Variants in EXT1 observed in about 807,000 individuals in gnomAD.
EXT1 encodes exostosin-1.
Under a neutral mutation model 82.5 loss-of-function variants are expected in EXT1, and 20 were observed. The ratio of observed to expected loss-of-function variants is 0.24; its 90% CI spans 0.17 to 0.35. The LOEUF is 0.35. EXT1 is among the 10% of genes least tolerant of loss of function. EXT1 has a pLI of 1.00. For missense variants in EXT1, 757 were observed against 936.5 expected, an observed-to-expected ratio of 0.81 and a Z score of 2.50; for synonymous variants, 348 against 350.8, an observed-to-expected ratio of 0.99 and a Z score of 0.09.
intron 1 of EXT1, among the ~76,000 whole-genome samples, chr8:118,107,318 T>C (rs1387062061): frequency 6.6e-6 from 1 of 152,124 alleles, no homozygotes; most frequent in East Asian, 1.9e-4. Context: ...GCTAATAAGC[T>C]AGATGGAAAC....
At chr8:117,908,629 CAAAACAAAAACA>C (rs1813585574) in intron 1 of EXT1, among the ~76,000 whole-genome samples, 1 of 151,556 alleles carries the variant, frequency 6.6e-6, no homozygotes, top group Admixed American at 6.6e-5. Flanking sequence ...GACACCATCT[CAAAACAAAAACA>C]AAAACAAAAA....
chr8:117,872,824 GA>G (rs1171262675), intron 1 of EXT1, among the ~76,000 whole-genome samples: 3,645 of 87,380 alleles, frequency 0.042, 79 homozygotes, highest in African/African-American at 0.1. Context: ...CTGAAGCAGA[GA>G]AAAAAAAAAA....
At chr8:118,056,575 G>A (rs1035098077) in intron 1 of EXT1, among the ~76,000 whole-genome samples, 9 of 152,074 alleles carry the variant, frequency 5.9e-5, no homozygotes, top group East Asian at 1.9e-4. Flanking sequence ...AAAAGGGACC[G>A]TTTGAAAGAG....
Position 117,804,827 on chromosome 8 carries a change from G to C in EXT1, c.1950C>G (p.Ala650=). Residue 650 remains alanine, a synonymous_variant, in exon 10 of 11, where the codon GCC becomes GCG. Coordinates refer to ENST00000378204, the MANE Select transcript of EXT1 (RefSeq NM_000127.3). ...AGTTCATGAGAATGTCCTCACAATTGGCCAATTGGTCCACCATGTTCTTCA... is the reference window on the plus strand; with the variant it reads ...AGTTCATGAGAATGTCCTCACAATTCGCCAATTGGTCCACCATGTTCTTCA... ...ASLKNMVDQL[A]NCEDILMNFL... 6.2e-7 allele frequency: 1 copy of C among 1,614,066 alleles called. No homozygotes were observed. Among genetic ancestry groups the C allele is most frequent in the Non-Finnish European group, 8.5e-7 (1 of 1,179,978 alleles).
Position 117,805,008 on chromosome 8 carries a change from T to TG in EXT1, c.1884-116_1884-115insC. The TG allele has an allele frequency of 3.4e-6, 3 of 878,230 alleles. No individual in the cohort carries two copies. In the Admixed American group the frequency reaches 6.0e-5, roughly 18 times the overall value. The allele number at this position is 878,230 out of a possible 1,614,324, so 54.4% of individuals were successfully genotyped here. A position where few individuals can be genotyped will look rare whatever the true frequency, so the allele number is the denominator to read the frequency against. ...GAATCCCTAAACATGTCATGAATGG[T>TG]AATGATAATGATGATGATGATGACG... On this transcript the variant is annotated intron_variant, in intron 9 of 10. Transcript: ENST00000378204.
intron 1 of EXT1, among the ~76,000 whole-genome samples, chr8:118,034,729 A>T (rs889612811): frequency 1.3e-5 from 2 of 152,192 alleles, no homozygotes; most frequent in Admixed American, 1.3e-4. Context: ...ATTCAAGATG[A>T]CTACCAATTC....
chr8:117,933,086 A>G (rs759406331), intron 1 of EXT1, among the ~76,000 whole-genome samples: 1 of 152,090 alleles, frequency 6.6e-6, no homozygotes, highest in Non-Finnish European at 1.5e-5. Flanking sequence ...AAACCTCCCA[A>G]GACTGGCTCT....
intron 1 of EXT1, among the ~76,000 whole-genome samples, chr8:118,083,432 C>T (rs1196061160): frequency 6.6e-6 from 1 of 152,164 alleles, no homozygotes; most frequent in Non-Finnish European, 1.5e-5. Flanking sequence ...CACCAGTCAC[C>T]ATAAGTGTTT....
At chr8:118,069,705 T>C (rs1817053101) in intron 1 of EXT1, among the ~76,000 whole-genome samples, 1 of 152,194 alleles carries the variant, frequency 6.6e-6, no homozygotes, top group African/African-American at 2.4e-5. Context: ...AGCAACGTCG[T>C]AGGCATTGGC....
At chr8:117,864,254 C>T (rs1488839168) in intron 1 of EXT1, among the ~76,000 whole-genome samples, 1 of 152,324 alleles carries the variant, frequency 6.6e-6, no homozygotes, top group Admixed American at 6.5e-5. Flanking sequence ...ACACACTTTT[C>T]TTTCTCCCTA....
chr8:117,802,757 A>G (rs571176827), intron 10 of EXT1, among the ~76,000 whole-genome samples: 2 of 152,348 alleles, frequency 1.3e-5, no homozygotes, highest in Admixed American at 1.3e-4. Context: ...TCAGCCTTAA[A>G]AATTTTTACA....
chr8:117,952,572 G>C (rs898395265), intron 1 of EXT1, among the ~76,000 whole-genome samples: 2 of 152,084 alleles, frequency 1.3e-5, no homozygotes, highest in African/African-American at 4.8e-5. Context: ...GTACAGCTTG[G>C]CCAACATGAT....
intron 1 of EXT1, among the ~76,000 whole-genome samples, chr8:117,954,055 C>T (rs555269897): frequency 2.0e-5 from 3 of 152,326 alleles, no homozygotes; most frequent in South Asian, 2.1e-4. Context: ...TTATTATCTC[C>T]ACCTTACAAC....
chr8:117,983,395 G>C (rs554949142), intron 1 of EXT1, among the ~76,000 whole-genome samples: 4 of 151,942 alleles, frequency 2.6e-5, no homozygotes, highest in Non-Finnish European at 5.9e-5. Context: ...GAGGTGAGAA[G>C]ATTGCTTGAG....
chr8:117,980,283 T>C (rs955727256), intron 1 of EXT1, among the ~76,000 whole-genome samples: 33 of 152,216 alleles, frequency 2.2e-4, no homozygotes, highest in African/African-American at 7.7e-4. Context: ...CCCCCTCTCT[T>C]TTCCCCTTTT....
chr8:117,889,048 T>A (rs1055917357), intron 1 of EXT1, among the ~76,000 whole-genome samples: 2 of 152,150 alleles, frequency 1.3e-5, no homozygotes, highest in Non-Finnish European at 2.9e-5. Context: ...TAGAAAGTGT[T>A]ATTTCCAAGG....
At chr8:118,042,302 T>G (rs1816546413) in intron 1 of EXT1, among the ~76,000 whole-genome samples, 1 of 151,592 alleles carries the variant, frequency 6.6e-6, no homozygotes, top group Non-Finnish European at 1.5e-5. Context: ...GTTTTTTGTT[T>G]TGTTTTGTTT....
chr8:118,038,826 A>G (rs17505429), intron 1 of EXT1, among the ~76,000 whole-genome samples: 1 of 152,348 alleles, frequency 6.6e-6, no homozygotes, highest in African/African-American at 2.4e-5. Flanking sequence ...CACTGATTTC[A>G]GAAAAAGGTC....
rs753261171 is a variant in EXT1 at position 117,807,262 on chromosome 8, G to A, written c.1838C>T (p.Thr613Met). Residue 613 changes from threonine (T) to methionine (M), a missense_variant, in exon 9 of 11, where the codon ACG becomes ATG. Thr to Met is a moderately conservative substitution (Grantham distance 81). Around this residue, in one of 4 missense-constraint regions of EXT1, gnomAD observed 128 missense variants for 223.2 expected, o/e 0.57. Coordinates refer to ENST00000378204, the MANE Select transcript of EXT1 (RefSeq NM_000127.3). Reference sequence around the variant, plus strand: ...TGTCAACACCATGGAGTAGTCGTTCGTCCACTTTGATGTGTATCCCCACCG... The same window carrying A: ...TGTCAACACCATGGAGTAGTCGTTCATCCACTTTGATGTGTATCCCCACCG... ...KERWGYTSKWTNDYSMVLTGA... is the reference protein window; with the variant it reads ...KERWGYTSKWMNDYSMVLTGA... 7 of 1,614,120 alleles carry A rather than the reference G, an allele frequency of 4.3e-6. No homozygotes were observed. The highest frequency in any genetic ancestry group is 2.2e-5 in the South Asian group (2 of 91,078).
Sources: gnomAD v4.1 joint callset for allele counts (sites outside exome capture counted in the v4.1 genomes callset) on GRCh38, gnomAD v4.1.1 for gene constraint, gnomAD v4.1.1 regional missense constraint, MANE v1.5 for transcripts, NCBI Gene and HGNC (gene_info 2026-07-23, HGNC 2026-07-21) for gene names.